The following PTPN21 variants were observed in gnomAD, a reference collection of about 807,000 sequenced individuals.
PTPN21 encodes the protein tyrosine-protein phosphatase non-receptor type 21.
In PTPN21, 77 loss-of-function variants were observed where a neutral mutation model predicts 131.8. The observed-to-expected ratio is 0.58, with a 90% CI of 0.49 to 0.71. PTPN21 has a LOEUF of 0.71. PTPN21 is among the 30% of genes least tolerant of loss of function. The pLI, the probability that PTPN21 is intolerant of heterozygous loss-of-function variation, is 0.00. For synonymous variants in PTPN21, 715 were observed against 621.3 expected, an observed-to-expected ratio of 1.15 and a Z score of -2.24; for missense variants, 1,552 against 1,527.1, an observed-to-expected ratio of 1.02 and a Z score of -0.27.
At chr14:88,509,250 T>G (rs2078142657) in intron 3 of PTPN21, among the ~76,000 whole-genome samples, 1 of 152,176 alleles carries the variant, frequency 6.6e-6, no homozygotes, top group African/African-American at 2.4e-5. Flanking sequence ...ATGCTGGGGA[T>G]ACCGTACTAA....
intron 1 of PTPN21, among the ~76,000 whole-genome samples, chr14:88,553,135 T>C (rs1462849105): frequency 1.3e-5 from 2 of 152,222 alleles, no homozygotes; most frequent in African/African-American, 4.8e-5. Context: ...TAAGCTCTGA[T>C]TAAGCAAACT....
chr14:88,510,547 T>TATTTCTA (rs3837635), intron 3 of PTPN21, among the ~76,000 whole-genome samples: 2,025 of 152,286 alleles, frequency 0.013, 18 homozygotes, highest in Non-Finnish European at 0.019. Flanking sequence ...CAGTTATAGA[T>TATTTCTA]ATTTCTAGTA....
In PTPN21 at chr14:88,479,906, G is replaced by A. The variant is rs756809323; in HGVS notation, c.1525C>T (p.His509Tyr). 1 of 1,599,142 alleles carries A rather than the reference G, an allele frequency of 6.3e-7. No individual in the cohort carries two copies. Among genetic ancestry groups the A allele is most frequent in the Non-Finnish European group, 8.5e-7 (1 of 1,177,042 alleles). The change falls in exon 13 of 19, where the codon CAC becomes TAC. Residue 509 changes from histidine to tyrosine, a missense_variant. Transcript: ENST00000556564. ...CTGTAGCTCAGGCTGAACGGGCAGTGTGCGGCCGCTGGCGAGGGGAGCTGT... is the reference window on the plus strand; with the variant it reads ...CTGTAGCTCAGGCTGAACGGGCAGTATGCGGCCGCTGGCGAGGGGAGCTGT... ...HAQLPSPAAA[H>Y]CPFSLSYSFH...
intron 2 of PTPN21, among the ~76,000 whole-genome samples, chr14:88,520,844 C>T (rs781554196): frequency 6.6e-6 from 1 of 152,014 alleles, no homozygotes; most frequent in South Asian, 2.1e-4. Context: ...ATTAGAAAAC[C>T]ATTATATTTT....
intron 2 of PTPN21, among the ~76,000 whole-genome samples, chr14:88,540,312 T>C (rs1251107638): frequency 6.6e-6 from 1 of 152,222 alleles, no homozygotes; most frequent in African/African-American, 2.4e-5. Flanking sequence ...AAGTTGATTA[T>C]ACACAGGGTT....
Position 88,479,206 on chromosome 14 carries a change from T to G in PTPN21, c.2225A>C (p.Asp742Ala). The change falls in exon 13 of 19, where the codon GAC (aspartate) becomes GCC (alanine). Residue 742 changes from aspartate (D) to alanine (A), a missense_variant. Around this residue, in one of 4 missense-constraint regions of PTPN21, gnomAD observed 1,016 missense variants for 883.5 expected, o/e 1.15. Coordinates refer to ENST00000556564, the MANE Select transcript of PTPN21 (RefSeq NM_007039.4). ...CAGGACGCGAGGGCAGCCAGGTGGGTCCTGGGCCAGGCCGGGCCGAGGCTC... is the reference window on the plus strand; with the variant it reads ...CAGGACGCGAGGGCAGCCAGGTGGGGCCTGGGCCAGGCCGGGCCGAGGCTC... ...AREPRPGLAQ[D>A]PPGCPRVLLA... 1.9e-6 allele frequency: 3 copies of G among 1,592,758 alleles called. No homozygotes were observed. Among genetic ancestry groups the G allele is most frequent in the Non-Finnish European group, 2.6e-6 (3 of 1,170,314 alleles).
intron 2 of PTPN21, among the ~76,000 whole-genome samples, chr14:88,517,678 G>A (rs1238336170): frequency 6.2e-5 from 1 of 16,112 alleles, no homozygotes; most frequent in African/African-American, 1.3e-4. Context: ...ACACACATAT[G>A]TATATATACA....
chr14:88,478,677 G>GA (rs2077582753), intron 13 of PTPN21, among the ~76,000 whole-genome samples: 1 of 152,134 alleles, frequency 6.6e-6, no homozygotes, highest in Non-Finnish European at 1.5e-5. Flanking sequence ...AAAACCCTGT[G>GA]AATTTACCTT....
At chr14:88,552,196 T>A (rs1422889495) in intron 1 of PTPN21, 1 of 152,184 alleles carries the variant, frequency 6.6e-6, no homozygotes, top group Non-Finnish European at 1.5e-5. Flanking sequence ...GATCCCAAAT[T>A]CCACAGTCCC....
intron 5 of PTPN21, 44 bp downstream of exon 5, chr14:88,505,260 T>G: frequency 7.0e-7 from 1 of 1,421,048 alleles, no homozygotes; most frequent in Non-Finnish European, 9.9e-7. Flanking sequence ...GGTATAGGAA[T>G]AAACTGTTTC....
intron 12 of PTPN21, among the ~76,000 whole-genome samples, chr14:88,483,519 T>C (rs1053485571): frequency 2.5e-4 from 38 of 152,108 alleles, no homozygotes; most frequent in Non-Finnish European, 4.6e-4. Context: ...ACCCTCATCT[T>C]TTACACCAGG....
At chr14:88,485,608 T>C (rs1465597532) in intron 11 of PTPN21, among the ~76,000 whole-genome samples, 174 bp downstream of exon 11, 1 of 152,018 alleles carries the variant, frequency 6.6e-6, no homozygotes, top group Non-Finnish European at 1.5e-5. Flanking sequence ...AATATAATAA[T>C]ATAAATATTA....
At chr14:88,511,641 C>G (rs1468751444) in intron 3 of PTPN21, among the ~76,000 whole-genome samples, 5 of 152,122 alleles carry the variant, frequency 3.3e-5, no homozygotes, top group African/African-American at 1.2e-4. Context: ...TGCACTCCAG[C>G]CTGGCAACCA....
intron 8 of PTPN21, 81 bp from the exon 9 acceptor site, chr14:88,497,371 A>C: frequency 2.7e-6 from 3 of 1,106,884 alleles, no homozygotes; most frequent in Non-Finnish European, 4.1e-6. Flanking sequence ...GTTTTCCCTA[A>C]GCCTGACGTG....
chr14:88,468,413 G>A, intron 18 of PTPN21, 148 bp from the exon 19 acceptor site: 3 of 735,406 alleles, frequency 4.1e-6, no homozygotes, highest in Non-Finnish European at 6.3e-6. Flanking sequence ...AGCCATGATT[G>A]CCTACTTCTG....
At position 88,466,657 on chromosome 14, in the gene PTPN21, T is replaced by G. The variant is rs1386673950; in HGVS notation, c.*1480A>C. ...GGTCACTGTGACAAGGCCATCTTAA[T>G]CGGGGCCAGAGATGACACTCTCCCC... On this transcript the variant is annotated 3_prime_UTR_variant, in exon 19 of 19. Coordinates refer to ENST00000556564, the MANE Select transcript of PTPN21 (RefSeq NM_007039.4). The G allele has an allele frequency of 6.6e-6, 1 of 152,198 alleles. No individual in the cohort carries two copies. The highest frequency in any genetic ancestry group is 1.5e-5 in the Non-Finnish European group (1 of 68,044). 9.4% of individuals were successfully genotyped at this position (152,198 alleles called of 1,614,324 possible).
At chr14:88,526,908 T>C (rs1411053416) in intron 2 of PTPN21, among the ~76,000 whole-genome samples, 2 of 152,198 alleles carry the variant, frequency 1.3e-5, no homozygotes, top group Non-Finnish European at 2.9e-5. Flanking sequence ...ATAACGATGT[T>C]TGATTTTCCA....
At position 88,469,063 on chromosome 14, in the gene PTPN21, C is replaced by T. The variant is rs1371201930; in HGVS notation, c.3249G>A (p.Glu1083=). 2 of 1,613,084 alleles carry T rather than the reference C, an allele frequency of 1.2e-6. No homozygotes were observed. The highest frequency in any genetic ancestry group is 2.2e-5 in the South Asian group (2 of 91,024). The change falls in exon 18 of 19, where the codon GAG becomes GAA. Residue 1083 remains glutamate (E), a synonymous_variant. Coordinates refer to ENST00000556564, the MANE Select transcript of PTPN21 (RefSeq NM_007039.4). This position sits in a 1 kb window ranked among gnomAD's most constrained non-coding sequence, Gnocchi z 4.3. Reference sequence around the variant, plus strand: ...TTGTATGGCGTCGAACAGACTGGATCTCTTCAAGATATGCTGTGGAAAATC... The same window carrying T: ...TTGTATGGCGTCGAACAGACTGGATTTCTTCAAGATATGCTGTGGAAAATC... The part of the protein sequence containing the change: ...DLKGFLSYLE[E]IQSVRRHTNS...
At chr14:88,511,742 T>A (rs1459899451) in intron 3 of PTPN21, among the ~76,000 whole-genome samples, 4 of 152,170 alleles carry the variant, frequency 2.6e-5, no homozygotes, top group African/African-American at 9.7e-5. Context: ...AGCCAAGGAA[T>A]AAAAGAAATT....
Sources: allele counts gnomAD v4.1 joint callset (sites outside exome capture counted in the v4.1 genomes callset), GRCh38; gene constraint gnomAD v4.1.1; regional missense constraint gnomAD v4.1.1; non-coding constraint Gnocchi (gnomAD v3.1); transcripts MANE v1.5; gene names NCBI Gene and HGNC (gene_info 2026-07-23, HGNC 2026-07-21).